Variants in ZNF654 observed in about 807,000 individuals in gnomAD.
The protein encoded by ZNF654 is zinc finger protein 654, also known as melanoma-associated antigen.
In ZNF654, 19 loss-of-function variants were observed where a neutral mutation model predicts 95.3. That is an observed-to-expected ratio of 0.20 (90% confidence interval 0.14 to 0.29). The LOEUF (loss-of-function observed/expected upper bound fraction) is 0.29. ZNF654 is among the 10% of genes least tolerant of loss of function. ZNF654 has a pLI of 1.00. For missense variants in ZNF654, 1,046 were observed against 1,341.0 expected (o/e 0.78, Z 3.44); for synonymous variants, 413 against 457.9 (o/e 0.90, Z 1.25).
At chr3:88,088,003 T>G (rs1708426630) in intron 2 of ZNF654, among the ~76,000 whole-genome samples, 1 of 152,204 alleles carries the variant, frequency 6.6e-6, no homozygotes, top group Non-Finnish European at 1.5e-5. Flanking sequence ...AATCAGTAAG[T>G]ATAAATACAA....
At position 88,117,814 on chromosome 3, in the gene ZNF654, G is replaced by C. The variant is rs1705501648; in HGVS notation, c.414+4618G>C. Among the ~76,000 whole-genome samples, 3 of 152,126 alleles carry C rather than the reference G, an allele frequency of 2.0e-5. No homozygotes were observed. In the South Asian group the frequency reaches 6.2e-4, roughly 32 times the overall value. On this transcript the variant is annotated intron_variant, in intron 3 of 8. Coordinates refer to ENST00000636215, the MANE Select transcript of ZNF654 (RefSeq NM_001350134.2). ...ATCTATGCGGAAATAACTACAGGGT[G>C]GTGACATTTGTTAAGGGAGCAGTGA...
intron 2 of ZNF654, among the ~76,000 whole-genome samples, chr3:88,096,581 A>G (rs549595424): frequency 6.6e-6 from 1 of 152,168 alleles, no homozygotes; most frequent in Admixed American, 6.5e-5. Flanking sequence ...TTTTCTTCCC[A>G]TACTTTAAAG....
intron 1 of ZNF654, among the ~76,000 whole-genome samples, chr3:88,059,712 C>T (rs1706738206): frequency 6.6e-6 from 1 of 152,032 alleles, no homozygotes; most frequent in African/African-American, 2.4e-5. Context: ...CTTAGGGTTG[C>T]TGAGAAAGTG....
rs1479012484 is a variant in ZNF654, at chr3:88,128,886, C to A, written c.628C>A (p.Pro210Thr). 3.9e-6 allele frequency: 6 copies of A among 1,535,458 alleles called. No homozygotes were observed. In the East Asian group the frequency reaches 1.5e-4, roughly 38 times the overall value. ...ATACCTAATTGCTTGTGAACGCATA[C>A]CCGAAGCAATGGCTCTTATTAAATC... Reference protein sequence around the residue: ...ARYLIACERIPEAMALIKSCI... With the variant: ...ARYLIACERITEAMALIKSCI... Residue 210 changes from proline (P) to threonine (T), a missense_variant, in exon 5 of 9, where the codon CCC becomes ACC. Transcript: ENST00000636215.
chr3:88,088,950 T>C (rs1434528154), intron 2 of ZNF654, among the ~76,000 whole-genome samples: 1 of 151,726 alleles, frequency 6.6e-6, no homozygotes, highest in Admixed American at 6.6e-5. Flanking sequence ...TTTTTGTATT[T>C]TTAGTAGAGA....
intron 2 of ZNF654, among the ~76,000 whole-genome samples, chr3:88,096,925 T>G (rs1346361815): frequency 1.3e-5 from 2 of 152,128 alleles, no homozygotes; most frequent in African/African-American, 2.4e-5. Context: ...TTTAGACAAA[T>G]GCTAGTATAC....
intron 2 of ZNF654, among the ~76,000 whole-genome samples, chr3:88,105,630 C>T (rs1319824338): frequency 1.3e-5 from 2 of 152,118 alleles, no homozygotes; most frequent in African/African-American, 2.4e-5. Flanking sequence ...TTTTGTATAA[C>T]CTACCCACAA....
chr3:88,095,876 C>T (rs1478294527), intron 2 of ZNF654: 2 of 449,650 alleles, frequency 4.4e-6, no homozygotes, highest in Non-Finnish European at 8.5e-6. Flanking sequence ...ACTCCACTTG[C>T]CACTTAACCA....
chr3:88,139,714 C>T lies in ZNF654; in HGVS notation c.2045C>T (p.Pro682Leu). Reference sequence around the variant, plus strand: ...GAAAATGTTATTGAAAATGGCAGTCCTAATAATTCTTTAAATAATGTTTTC... The same window carrying T: ...GAAAATGTTATTGAAAATGGCAGTCTTAATAATTCTTTAAATAATGTTTTC... Reference protein sequence around the residue: ...VIENVIENGSPNNSLNNVFKP... With the variant: ...VIENVIENGSLNNSLNNVFKP... Residue 682 changes from proline to leucine, a missense_variant, in exon 8 of 9, where the codon CCT (proline) becomes CTT (leucine). Coordinates refer to ENST00000636215, the MANE Select transcript of ZNF654 (RefSeq NM_001350134.2). The T allele has an allele frequency of 6.4e-7, 1 of 1,566,990 alleles. No individual in the cohort carries two copies. The highest frequency in any genetic ancestry group is 2.4e-5 in the East Asian group (1 of 42,528).
intron 6 of ZNF654, among the ~76,000 whole-genome samples, chr3:88,134,628 C>T (rs1041657362): frequency 6.6e-6 from 1 of 151,996 alleles, no homozygotes; most frequent in African/African-American, 2.4e-5. Context: ...ATCGTTAGTA[C>T]TTTTGATATC....
At chr3:88,090,603 T>C (rs764548734) in intron 2 of ZNF654, among the ~76,000 whole-genome samples, 1 of 152,200 alleles carries the variant, frequency 6.6e-6, no homozygotes, top group Non-Finnish European at 1.5e-5. Context: ...AGCCTACATA[T>C]ACAGTGTTTA....
intron 2 of ZNF654, among the ~76,000 whole-genome samples, chr3:88,097,063 C>T (rs1022974396): frequency 6.6e-6 from 1 of 151,958 alleles, no homozygotes; most frequent in Admixed American, 6.6e-5. Context: ...TGTAATTAAC[C>T]AGCCCCTTAC....
chr3:88,064,500 T>C (rs1707085541), intron 1 of ZNF654, among the ~76,000 whole-genome samples: 1 of 152,170 alleles, frequency 6.6e-6, no homozygotes, highest in Non-Finnish European at 1.5e-5. Context: ...TTTGAACTGA[T>C]CTTTTTGTTT....
chr3:88,109,937 T>TA (rs1353551479), intron 2 of ZNF654, among the ~76,000 whole-genome samples: 1 of 152,134 alleles, frequency 6.6e-6, no homozygotes, highest in East Asian at 1.9e-4. Context: ...ATCAGATTTT[T>TA]AAAAAAATCT....
At chr3:88,092,640 C>T (rs1258695713) in intron 2 of ZNF654, among the ~76,000 whole-genome samples, 9 of 152,184 alleles carry the variant, frequency 5.9e-5, no homozygotes, top group African/African-American at 2.2e-4. Context: ...TGATTTACAT[C>T]ATGACTTTAA....
intron 6 of ZNF654, among the ~76,000 whole-genome samples, chr3:88,131,490 A>T (rs994440110): frequency 4.6e-5 from 7 of 152,302 alleles, no homozygotes; most frequent in African/African-American, 1.7e-4. Flanking sequence ...TAATATACTC[A>T]TAAATAAACT....
At chr3:88,079,451 A>C (rs1355869125) in intron 1 of ZNF654, among the ~76,000 whole-genome samples, 1 of 152,094 alleles carries the variant, frequency 6.6e-6, no homozygotes, top group Non-Finnish European at 1.5e-5. Context: ...TGTTTATATA[A>C]TTTTAAAACT....
At chr3:88,105,267 C>T (rs1344363918) in intron 2 of ZNF654, among the ~76,000 whole-genome samples, 1 of 126,546 alleles carries the variant, frequency 7.9e-6, no homozygotes, top group East Asian at 2.4e-4. Flanking sequence ...TAAACAGATA[C>T]ATACATTTTT....
Position 88,140,038 on chromosome 3 carries a change from A to G in ZNF654, c.2369A>G (p.Lys790Arg), listed in dbSNP as rs764818580. 1.2e-6 allele frequency: 2 copies of G among 1,613,658 alleles called. No individual in the cohort carries two copies. Among genetic ancestry groups the G allele is most frequent in the African/African-American group, 1.3e-5 (1 of 74,936 alleles). The change falls in exon 8 of 9, where the codon AAA becomes AGA. Residue 790 changes from lysine (K) to arginine (R), a missense_variant. Around this residue, in one of 9 missense-constraint regions of ZNF654, gnomAD observed 495 missense variants for 537.0 expected, o/e 0.92. Coordinates refer to ENST00000636215, the MANE Select transcript of ZNF654 (RefSeq NM_001350134.2). Reference sequence around the variant, plus strand: ...ATGAAGTGGAGCAAAGGAAAATGCAAATTTTGTCAAAGGCAATTTGAAGAT... The same window carrying G: ...ATGAAGTGGAGCAAAGGAAAATGCAGATTTTGTCAAAGGCAATTTGAAGAT... Reference protein sequence around the residue: ...TVMKWSKGKCKFCQRQFEDSQ... With the variant: ...TVMKWSKGKCRFCQRQFEDSQ...
Sources: gnomAD v4.1 joint callset for allele counts (sites outside exome capture counted in the v4.1 genomes callset) on GRCh38, gnomAD v4.1.1 for gene constraint, gnomAD v4.1.1 regional missense constraint, MANE v1.5 for transcripts, NCBI Gene and HGNC (gene_info 2026-07-23, HGNC 2026-07-21) for gene names.